SSPN: variants seen among roughly 807,000 people sequenced by gnomAD.
SSPN encodes the protein K-ras oncogene-associated protein.
Under a neutral mutation model 19.1 loss-of-function variants are expected in SSPN, and 15 were observed. The observed-to-expected ratio is 0.78, with a 90% CI of 0.52 to 1.21. The LOEUF (loss-of-function observed/expected upper bound fraction) is 1.21, where lower values mean the gene tolerates loss of function less well. Among genes scored for constraint, SSPN ranks in the 50% most tolerant of loss-of-function variants. The pLI is 0.00. For synonymous variants in SSPN, 147 were observed against 140.3 expected (o/e 1.05, Z -0.34); for missense variants, 291 against 314.0 (o/e 0.93, Z 0.55).
intron 1 of SSPN, among the ~76,000 whole-genome samples, chr12:26,184,443 C>T (rs1254694245): frequency 6.6e-6 from 1 of 152,110 alleles, no homozygotes; most frequent in Non-Finnish European, 1.5e-5. Context: ...TATAGAAGTT[C>T]AAGAAAGACA....
chr12:26,202,532 T>A (rs1403472128), intron 1 of SSPN, among the ~76,000 whole-genome samples: 1 of 152,254 alleles, frequency 6.6e-6, no homozygotes, highest in Non-Finnish European at 1.5e-5. Context: ...GGCTGAATGC[T>A]AGATGTTGAT....
intron 1 of SSPN, among the ~76,000 whole-genome samples, chr12:26,155,162 G>A (rs2137419064): frequency 6.6e-6 from 1 of 152,310 alleles, no homozygotes; most frequent in Non-Finnish European, 1.5e-5. Flanking sequence ...GTTACAACTA[G>A]TGTATTCGTG....
intron 1 of SSPN, among the ~76,000 whole-genome samples, chr12:26,135,600 C>A (rs1453855825): frequency 6.6e-6 from 1 of 152,214 alleles, no homozygotes; most frequent in Non-Finnish European, 1.5e-5. Context: ...CATCAACCCT[C>A]ACCCTCAAGC....
chr12:26,183,681 C>G (rs1354241131), intron 1 of SSPN, among the ~76,000 whole-genome samples: 1 of 152,206 alleles, frequency 6.6e-6, no homozygotes, highest in African/African-American at 2.4e-5. Context: ...ATTCAGAATA[C>G]TGAGATCTTC....
At position 26,231,488 on chromosome 12, in the gene SSPN, T is replaced by A. The variant is rs1417227756; in HGVS notation, c.*412T>A. On this transcript the variant is annotated 3_prime_UTR_variant, in exon 3 of 3. Coordinates refer to ENST00000242729, the MANE Select transcript of SSPN (RefSeq NM_005086.5). Reference sequence around the variant, plus strand: ...TAAATTTTGTGGCATCTTCCTCTAGTCCTTCCCACCTCCAGTCATCAGCCC... The same window carrying A: ...TAAATTTTGTGGCATCTTCCTCTAGACCTTCCCACCTCCAGTCATCAGCCC... 1.2e-5 allele frequency: 2 copies of A among 172,186 alleles called. No individual in the cohort carries two copies. The highest frequency in any genetic ancestry group is 2.5e-5 in the Non-Finnish European group (2 of 81,624). The allele number at this position is 172,186 out of a possible 1,614,324, so 10.7% of individuals were successfully genotyped here.
intron 1 of SSPN, among the ~76,000 whole-genome samples, chr12:26,150,439 T>A (rs1944518869): frequency 1.3e-5 from 2 of 152,256 alleles, no homozygotes; most frequent in Non-Finnish European, 2.9e-5. Context: ...AATTATTTTT[T>A]TCATTTAAGC....
At chr12:26,166,964 G>A (rs1944624975) in intron 1 of SSPN, among the ~76,000 whole-genome samples, 1 of 152,206 alleles carries the variant, frequency 6.6e-6, no homozygotes, top group African/African-American at 2.4e-5. Flanking sequence ...CAACTATATA[G>A]ATATTTTTGA....
intron 1 of SSPN, chr12:26,125,077 G>T: frequency 2.0e-6 from 1 of 488,780 alleles, no homozygotes; most frequent in Non-Finnish European, 3.8e-6. Context: ...CCAGCACCCA[G>T]CTCACGTGCG....
chr12:26,201,047 T>TATATATAAA (rs1591877334), intron 1 of SSPN, among the ~76,000 whole-genome samples: 19 of 50,976 alleles, frequency 3.7e-4, no homozygotes, highest in East Asian at 6.9e-4. Flanking sequence ...ATATATATAT[T>TATATATAAA]ATATATATAT....
chr12:26,204,706 A>C (rs1032918718), intron 1 of SSPN, among the ~76,000 whole-genome samples: 1 of 152,126 alleles, frequency 6.6e-6, no homozygotes, highest in Non-Finnish European at 1.5e-5. Context: ...ATTTTGACAC[A>C]CATTTAAGGG....
rs2137522278 is a variant in SSPN at position 26,230,654 on chromosome 12, C to CA, written c.367-54dup. The CA allele has an allele frequency of 2.0e-6, 3 of 1,526,190 alleles. No homozygotes were observed. The East Asian group carries it at 6.8e-5, about 35-fold the overall frequency. The allele number at this position is 1,526,190 out of a possible 1,614,324, so 94.5% of individuals were successfully genotyped here. ...GAACAGTTTTGATGAATTCGCTTTGCAAATCATCATCCAATGTTCTTTGTA... is the reference window on the plus strand; with the variant it reads ...GAACAGTTTTGATGAATTCGCTTTGCAAAATCATCATCCAATGTTCTTTGTA... On this transcript the variant is annotated intron_variant, in intron 2 of 2. Transcript: ENST00000242729.
intron 1 of SSPN, among the ~76,000 whole-genome samples, chr12:26,181,948 T>A (rs940452792): frequency 7.2e-5 from 11 of 152,062 alleles, no homozygotes; most frequent in Admixed American, 5.9e-4. Context: ...TTGTTAGTTA[T>A]TTTTTTTAGC....
At position 26,233,355 on chromosome 12, in the gene SSPN, TACACACAC is replaced by T. The variant is rs550069444; in HGVS notation, c.*2289_*2296del. On this transcript the variant is annotated 3_prime_UTR_variant, in exon 3 of 3. Transcript: ENST00000242729. This position sits in a 1 kb window ranked among gnomAD's most constrained non-coding sequence, Gnocchi z 4.3. ...AGATATATATATATATATATACACA[TACACACAC>T]ACACACACATATATACTATACATAT... 1 of 146,540 alleles carries T rather than the reference TACACACAC, an allele frequency of 6.8e-6. No homozygotes were observed. Among genetic ancestry groups the T allele is most frequent in the African/African-American group, 2.6e-5 (1 of 37,896 alleles). 9.1% of individuals were successfully genotyped at this position (146,540 alleles called of 1,614,324 possible). A position where few individuals can be genotyped will look rare whatever the true frequency, so the allele number is the denominator to read the frequency against.
intron 1 of SSPN, among the ~76,000 whole-genome samples, chr12:26,218,167 G>T (rs1945076801): frequency 6.9e-6 from 1 of 145,900 alleles, no homozygotes; most frequent in African/African-American, 2.6e-5. Context: ...GTCCTTTGTA[G>T]GGACATGGAT....
At chr12:26,123,760 G>A (rs1017216278) in intron 1 of SSPN, 28 of 1,520,824 alleles carry the variant, frequency 1.8e-5, no homozygotes, top group Non-Finnish European at 2.6e-5. Flanking sequence ...GTGCAAAAAA[G>A]AAACGGGCAC....
chr12:26,163,806 G>C (rs1222049855), intron 1 of SSPN, among the ~76,000 whole-genome samples: 3 of 152,142 alleles, frequency 2.0e-5, no homozygotes, highest in Admixed American at 6.5e-5. Flanking sequence ...TTTAAATACT[G>C]ATATGTTATA....
At chr12:26,209,942 T>G (rs1479546403) in intron 1 of SSPN, among the ~76,000 whole-genome samples, 1 of 152,028 alleles carries the variant, frequency 6.6e-6, no homozygotes, top group Non-Finnish European at 1.5e-5. Context: ...TATGATAACT[T>G]GATATAGCCT....
chr12:26,183,429 A>C (rs968447545), intron 1 of SSPN, among the ~76,000 whole-genome samples: 1 of 152,210 alleles, frequency 6.6e-6, no homozygotes, highest in Non-Finnish European at 1.5e-5. Context: ...CTTCCCTTTA[A>C]AAAATTTTAT....
chr12:26,165,115 T>G (rs1168142119), intron 1 of SSPN, among the ~76,000 whole-genome samples: 3 of 152,206 alleles, frequency 2.0e-5, no homozygotes, highest in African/African-American at 7.2e-5. Context: ...GTATTTTTAA[T>G]CGAAAAATTC....
Sources: allele counts gnomAD v4.1 joint callset (sites outside exome capture counted in the v4.1 genomes callset), GRCh38; gene constraint gnomAD v4.1.1; non-coding constraint Gnocchi (gnomAD v3.1); transcripts MANE v1.5; gene names NCBI Gene and HGNC (gene_info 2026-07-23, HGNC 2026-07-21).